Variants in USP4 observed in about 807,000 individuals in gnomAD.
USP4 encodes ubiquitin carboxyl-terminal hydrolase 4.
Under a neutral mutation model 118.2 loss-of-function variants are expected in USP4, and 72 were observed. The observed-to-expected ratio is 0.61, with a 90% confidence interval of 0.50 to 0.74. The LOEUF (loss-of-function observed/expected upper bound fraction) is 0.74, where lower values mean the gene tolerates loss of function less well. USP4 is among the 30% of genes least tolerant of loss of function. USP4 has a pLI of 0.00. For missense variants in USP4, 1,037 were observed against 1,185.7 expected, an observed-to-expected ratio of 0.87 and a Z score of 1.84; for synonymous variants, 415 against 440.4, an observed-to-expected ratio of 0.94 and a Z score of 0.72.
chr3:49,327,609 T>C, intron 3 of USP4, 77 bp downstream of exon 3: 1 of 1,528,116 alleles, frequency 6.5e-7, no homozygotes, highest in Non-Finnish European at 9.0e-7. Context: ...TTCATTTTCC[T>C]AGCAAACACT....
At chr3:49,330,703 T>C (rs951019673) in intron 2 of USP4, among the ~76,000 whole-genome samples, 2 of 151,708 alleles carry the variant, frequency 1.3e-5, no homozygotes, top group African/African-American at 4.9e-5. Flanking sequence ...CTAAAAATAT[T>C]GGGAGGCTGG....
intron 8 of USP4, among the ~76,000 whole-genome samples, chr3:49,309,787 C>T (rs903334214): frequency 5.3e-5 from 8 of 149,614 alleles, no homozygotes; most frequent in African/African-American, 4.9e-5. Flanking sequence ...CCACCACACC[C>T]GGCTAATTTT....
At chr3:49,279,777 G>C (rs2046998063) in intron 20 of USP4, among the ~76,000 whole-genome samples, 1 of 152,214 alleles carries the variant, frequency 6.6e-6, no homozygotes, top group Non-Finnish European at 1.5e-5. Context: ...AAGGGCAACA[G>C]AGAAGGTGCC....
intron 3 of USP4, among the ~76,000 whole-genome samples, chr3:49,327,313 G>A (rs1374385370): frequency 6.6e-6 from 1 of 152,068 alleles, no homozygotes; most frequent in Non-Finnish European, 1.5e-5. Context: ...CGAGTCGGGC[G>A]GATCACAAGG....
Position 49,327,758 on chromosome 3 carries a change from G to C in USP4, c.288C>G (p.Val96=), listed in dbSNP as rs182938918. The part of the protein sequence containing the change: ...HLIDELDYVL[V]PTEAWNKLLN... Reference sequence around the variant, plus strand: ...GTAGTTTATTCCACGCCTCGGTAGGGACCAATACATAGTCCAATTCATCAA... The same window carrying C: ...GTAGTTTATTCCACGCCTCGGTAGGCACCAATACATAGTCCAATTCATCAA... Residue 96 remains valine (V), a synonymous_variant, in exon 3 of 22, where the codon GTC becomes GTG. Coordinates refer to ENST00000265560, the MANE Select transcript of USP4 (RefSeq NM_003363.4). The C allele has an allele frequency of 1.2e-6, 2 of 1,613,928 alleles. No homozygotes were observed. The highest frequency in any genetic ancestry group is 4.5e-5 in the East Asian group (2 of 44,880).
intron 6 of USP4, among the ~76,000 whole-genome samples, chr3:49,323,114 T>C (rs1412669411): frequency 4.0e-5 from 6 of 151,316 alleles, no homozygotes; most frequent in East Asian, 3.9e-4. Flanking sequence ...ATTACAGATA[T>C]GCACCACCAC....
chr3:49,302,189 T>TAA (rs200559085), intron 10 of USP4, among the ~76,000 whole-genome samples, 195 bp downstream of exon 10: 1 of 124,010 alleles, frequency 8.1e-6, no homozygotes, highest in East Asian at 2.3e-4. Flanking sequence ...TGTCTCTATT[T>TAA]AAAAAAAAAA....
intron 3 of USP4, among the ~76,000 whole-genome samples, chr3:49,326,891 G>A (rs866119994): frequency 1.4e-5 from 2 of 143,918 alleles, no homozygotes; most frequent in Non-Finnish European, 3.0e-5. Flanking sequence ...TAGCAGAGAC[G>A]AGGTTTCACC....
intron 6 of USP4, chr3:49,318,412 G>C: frequency 1.0e-6 from 1 of 985,502 alleles, no homozygotes; most frequent in African/African-American, 1.7e-5. Context: ...CTCTGGGCTG[G>C]CAACCTTAAA....
Position 49,277,869 on chromosome 3 carries a change from G to A in USP4, c.*424C>T. ...GAGTTTACTTGAGGTTTGGGTTACT[G>A]TGAGCAGACTACTTGGGGTGACTAG... On this transcript the variant is annotated 3_prime_UTR_variant, in exon 22 of 22. Transcript: ENST00000265560. The A allele has an allele frequency of 5.7e-6, 2 of 350,034 alleles. No homozygotes were observed. Among genetic ancestry groups the A allele is most frequent in the Non-Finnish European group, 1.0e-5 (2 of 196,736 alleles). The allele number at this position is 350,034 out of a possible 1,614,324, so 21.7% of individuals were successfully genotyped here. A position where few individuals can be genotyped will look rare whatever the true frequency, so the allele number is the denominator to read the frequency against.
chr3:49,298,847 C>T (rs556438615), intron 11 of USP4, among the ~76,000 whole-genome samples: 1 of 152,330 alleles, frequency 6.6e-6, no homozygotes, highest in East Asian at 1.9e-4. Context: ...GGGGCTAGGC[C>T]ATCTCTTTCT....
rs1459530906 is a variant in USP4 at position 49,325,804 on chromosome 3, C to G, written c.402G>C (p.Glu134Asp). Residue 134 changes from glutamate to aspartate, a missense_variant, in exon 4 of 22, where the codon GAG becomes GAC. Physicochemically the swap from Glu to Asp is conservative, Grantham distance 45. Coordinates refer to ENST00000265560, the MANE Select transcript of USP4 (RefSeq NM_003363.4). Reference protein sequence around the residue: ...HGLFVKHCKVEVYLLELKLCE... With the variant: ...HGLFVKHCKVDVYLLELKLCE... ...AGAGCTTCAGTTCCAGCAAATACAC[C>G]TCGACTTTGCAGTGCTTGACAAACA... The G allele has an allele frequency of 6.2e-7, 1 of 1,613,800 alleles. No homozygotes were observed. Among genetic ancestry groups the G allele is most frequent in the Admixed American group, 1.7e-5 (1 of 59,980 alleles).
At chr3:49,294,196 G>A (rs1204229594) in intron 14 of USP4, among the ~76,000 whole-genome samples, 1 of 152,108 alleles carries the variant, frequency 6.6e-6, no homozygotes, top group Non-Finnish European at 1.5e-5. Context: ...TCTTGGCCAG[G>A]CTGGTCTCAA....
At chr3:49,289,057 G>C (rs1319734702) in intron 15 of USP4, among the ~76,000 whole-genome samples, 2 of 152,184 alleles carry the variant, frequency 1.3e-5, no homozygotes, top group Non-Finnish European at 2.9e-5. Flanking sequence ...GTTGCCGTGA[G>C]CTGAGATTGT....
intron 6 of USP4, chr3:49,317,627 C>T (rs1345215556): frequency 8.7e-6 from 5 of 572,812 alleles, no homozygotes; most frequent in African/African-American, 3.8e-5. Flanking sequence ...CTGCATGCTC[C>T]GCCTCCTGGG....
intron 11 of USP4, 129 bp from the exon 12 acceptor site, chr3:49,298,764 G>A (rs1019395316): frequency 5.1e-6 from 4 of 781,790 alleles, no homozygotes; most frequent in Non-Finnish European, 8.9e-6. Context: ...TCAGGGTACA[G>A]ATGAGTCAGA....
rs2047534065 is a variant in USP4, at chr3:49,324,760, G to A, written c.637C>T (p.Leu213=). The A allele has an allele frequency of 6.2e-7, 1 of 1,614,038 alleles. No individual in the cohort carries two copies. The highest frequency in any genetic ancestry group is 1.7e-5 in the Admixed American group (1 of 59,988). The change falls in exon 6 of 22, where the codon CTA becomes TTA. Residue 213 remains leucine (L), a synonymous_variant. Coordinates refer to ENST00000265560, the MANE Select transcript of USP4 (RefSeq NM_003363.4). ...QDAGLYQGQV[L]VIEPQNEDGT... ...TCTTCATTTTGAGGCTCAATTACTA[G>A]CACCTGAGTGAAAGGGGAAACCAAA...
chr3:49,307,012 G>A (rs988725337), intron 8 of USP4, among the ~76,000 whole-genome samples: 1 of 151,752 alleles, frequency 6.6e-6, no homozygotes, highest in African/African-American at 2.4e-5. Context: ...TGGAACTCCC[G>A]ACCTCAGGTG....
chr3:49,313,949 C>T (rs970129950), intron 6 of USP4: 1 of 152,044 alleles, frequency 6.6e-6, no homozygotes, highest in Non-Finnish European at 1.5e-5. Flanking sequence ...TCAAGCAACC[C>T]TCCTGCCTCA....
Sources: gnomAD v4.1 joint callset for allele counts (sites outside exome capture counted in the v4.1 genomes callset) on GRCh38, gnomAD v4.1.1 for gene constraint, MANE v1.5 for transcripts, NCBI Gene and HGNC (gene_info 2026-07-23, HGNC 2026-07-21) for gene names.